Variants in KIF5C observed in about 807,000 individuals in gnomAD.
The protein encoded by KIF5C is kinesin heavy chain isoform 5C.
KIF5C carries 18 observed loss-of-function variants against 125.2 expected under a neutral mutation model. The observed-to-expected ratio is 0.14, with a 90% confidence interval of 0.10 to 0.21. The LOEUF (loss-of-function observed/expected upper bound fraction) is 0.21. Among genes scored for constraint, KIF5C ranks in the 10% least tolerant of loss-of-function variants. The pLI, the probability that KIF5C is intolerant of heterozygous loss-of-function variation, is 1.00. For synonymous variants in KIF5C, 405 were observed against 434.0 expected (o/e 0.93, Z 0.83); for missense variants, 780 against 1,183.8 (o/e 0.66, Z 5.01).
chr2:148,875,573 C>CCGGG lies in KIF5C; in HGVS notation c.-45_-44insCGGG. 9.7e-6 allele frequency: 7 copies of CCGGG among 723,602 alleles called. No individual in the cohort carries two copies. Among genetic ancestry groups the CCGGG allele is most frequent in the East Asian group, 3.0e-5 (1 of 33,800 alleles). 44.8% of individuals were successfully genotyped at this position (723,602 alleles called of 1,614,324 possible). A position where few individuals can be genotyped will look rare whatever the true frequency, so the allele number is the denominator to read the frequency against. On this transcript the variant is annotated 5_prime_UTR_variant, in exon 1 of 26. Coordinates refer to ENST00000435030, the MANE Select transcript of KIF5C (RefSeq NM_004522.3). ...CCTCCTCCCTCGTCGTTCCCGGCCCCGGCCCCCCACCCATCCCCGTGCCCC... is the reference window on the plus strand; with the variant it reads ...CCTCCTCCCTCGTCGTTCCCGGCCCCCGGGGGCCCCCCACCCATCCCCGTGCCCC...
intron 21 of KIF5C, among the ~76,000 whole-genome samples, chr2:149,002,820 T>C (rs62182694): frequency 1.7e-4 from 26 of 152,208 alleles, no homozygotes; most frequent in African/African-American, 2.4e-4. Flanking sequence ...CTTTCTCCTC[T>C]CATACACTCA....
chr2:148,978,783 T>TG, intron 12 of KIF5C, 139 bp from the exon 13 acceptor site: 1 of 1,179,218 alleles, frequency 8.5e-7, no homozygotes, highest in Non-Finnish European at 1.1e-6. Flanking sequence ...TCTCGGAATC[T>TG]GTCTGTTTTC....
intron 3 of KIF5C, among the ~76,000 whole-genome samples, chr2:148,930,834 C>T (rs1027933972): frequency 2.0e-5 from 3 of 152,174 alleles, no homozygotes; most frequent in Admixed American, 2.0e-4. Flanking sequence ...TGAGTGGCAT[C>T]AGCCCATCTT....
At chr2:148,908,879 GAAT>G (rs1348732634) in intron 1 of KIF5C, among the ~76,000 whole-genome samples, 1 of 152,118 alleles carries the variant, frequency 6.6e-6, no homozygotes, top group Non-Finnish European at 1.5e-5. Context: ...CACTCTTACA[GAAT>G]AATAAGATGG....
At chr2:148,958,296 C>T (rs1248743340) in intron 10 of KIF5C, among the ~76,000 whole-genome samples, 1 of 152,142 alleles carries the variant, frequency 6.6e-6, no homozygotes, top group Non-Finnish European at 1.5e-5. Context: ...TTCACACTCT[C>T]TCCAGTAGTA....
chr2:148,975,918 G>A (rs1681050207), intron 12 of KIF5C, among the ~76,000 whole-genome samples: 1 of 152,158 alleles, frequency 6.6e-6, no homozygotes, highest in South Asian at 2.1e-4. Context: ...GTAAATATTA[G>A]CTTCCTTCTT....
intron 2 of KIF5C, among the ~76,000 whole-genome samples, chr2:148,927,238 G>A (rs138683621): frequency 2.8e-4 from 42 of 152,280 alleles, no homozygotes; most frequent in African/African-American, 7.0e-4. Flanking sequence ...AGACCCGGGA[G>A]GCCTCGGGTG....
intron 8 of KIF5C, among the ~76,000 whole-genome samples, chr2:148,949,213 T>C (rs1682597725): frequency 6.6e-6 from 1 of 152,212 alleles, no homozygotes; most frequent in Admixed American, 6.5e-5. Context: ...AAACTATGCA[T>C]GGTCCCTCTG....
At chr2:148,947,834 A>T in intron 8 of KIF5C, 2 of 454,998 alleles carry the variant, frequency 4.4e-6, no homozygotes, top group Non-Finnish European at 8.9e-6. Flanking sequence ...CACTGACATC[A>T]TGCTGATTGT....
intron 3 of KIF5C, among the ~76,000 whole-genome samples, chr2:148,935,891 C>G (rs1682280024): frequency 6.6e-6 from 1 of 152,162 alleles, no homozygotes; most frequent in Non-Finnish European, 1.5e-5. Context: ...AGGAAGTATG[C>G]AGTCAAACTA....
At chr2:148,887,527 G>A (rs1485750735) in intron 1 of KIF5C, among the ~76,000 whole-genome samples, 1 of 152,196 alleles carries the variant, frequency 6.6e-6, no homozygotes, top group East Asian at 1.9e-4. Context: ...AAATCGCTTC[G>A]TATCAGTGCC....
intron 1 of KIF5C, among the ~76,000 whole-genome samples, chr2:148,899,486 A>T (rs536110742): frequency 6.6e-6 from 1 of 151,958 alleles, no homozygotes; most frequent in South Asian, 2.1e-4. Flanking sequence ...TGAATCACCT[A>T]AGGTCAGGAT....
At chr2:149,012,158 G>T (rs1413978829) in intron 25 of KIF5C, among the ~76,000 whole-genome samples, 1 of 152,218 alleles carries the variant, frequency 6.6e-6, no homozygotes, top group Non-Finnish European at 1.5e-5. Context: ...ATTTTAAGAA[G>T]ATATCTAGAT....
intron 25 of KIF5C, among the ~76,000 whole-genome samples, chr2:149,013,430 C>T (rs1220722451): frequency 6.6e-6 from 1 of 152,208 alleles, no homozygotes; most frequent in Admixed American, 6.5e-5. Context: ...GCCTCCCTTT[C>T]CCTGGACAGC....
In KIF5C at chr2:148,922,192, A is replaced by T. The variant is rs776834479; in HGVS notation, c.182A>T (p.Gln61Leu). 7.4e-6 allele frequency: 12 copies of T among 1,613,512 alleles called. No individual in the cohort carries two copies. Among genetic ancestry groups the T allele is most frequent in the Non-Finnish European group, 1.0e-5 (12 of 1,179,682 alleles). Reference protein sequence around the residue: ...RVLPPNTTQEQVYNACAKQIV... With the variant: ...RVLPPNTTQELVYNACAKQIV... ...CTACCTCCCAACACGACCCAAGAGC[A>T]GGTTTACAATGCATGTGCGAAGCAA... Residue 61 changes from glutamine (Q) to leucine (L), a missense_variant, in exon 2 of 26, where the codon CAG becomes CTG. This residue lies in a region of KIF5C where 207 missense variants were observed against 441.2 expected (regional missense o/e 0.47). Transcript: ENST00000435030.
At chr2:148,892,888 G>C (rs996973912) in intron 1 of KIF5C, among the ~76,000 whole-genome samples, 1 of 152,200 alleles carries the variant, frequency 6.6e-6, no homozygotes, top group Non-Finnish European at 1.5e-5. Context: ...GATTTTGAAA[G>C]ATATATCATG....
intron 25 of KIF5C, among the ~76,000 whole-genome samples, chr2:149,013,171 T>C (rs1463627832): frequency 6.6e-6 from 1 of 152,212 alleles, no homozygotes; most frequent in African/African-American, 2.4e-5. Context: ...TAAGGGAAAT[T>C]TGAAGGTGGT....
intron 14 of KIF5C, among the ~76,000 whole-genome samples, chr2:148,982,257 A>C (rs1681256346): frequency 6.6e-6 from 1 of 152,174 alleles, no homozygotes. Flanking sequence ...AGATTCTCCA[A>C]ATGAAAGATG....
chr2:148,915,436 G>A (rs1681506450), intron 1 of KIF5C, among the ~76,000 whole-genome samples: 1 of 152,146 alleles, frequency 6.6e-6, no homozygotes, highest in Non-Finnish European at 1.5e-5. Context: ...TGGCCCCGTG[G>A]GACCATTGCT....
Sources: allele counts gnomAD v4.1 joint callset (sites outside exome capture counted in the v4.1 genomes callset), GRCh38; gene constraint gnomAD v4.1.1; regional missense constraint gnomAD v4.1.1; transcripts MANE v1.5; gene names NCBI Gene and HGNC (gene_info 2026-07-23, HGNC 2026-07-21).